Variants in BDNF observed in about 807,000 individuals in gnomAD.
The protein encoded by BDNF is brain derived neurotrophic factor, also known as neurotrophic factor BDNF precursor form.
A neutral mutation model predicts 19.5 loss-of-function variants in BDNF; 1 was observed. The ratio of observed to expected loss-of-function variants is 0.05; its 90% CI spans 0.02 to 0.24. BDNF has a LOEUF of 0.24. Among genes scored for constraint, BDNF ranks in the 10% least tolerant of loss-of-function variants. BDNF has a pLI of 1.00. For synonymous variants in BDNF, 100 were observed against 121.6 expected (o/e 0.82, Z 1.17); for missense variants, 195 against 317.6 (o/e 0.61, Z 2.93).
upstream of BDNF, chr11:27,700,832 G>A: frequency 1.4e-5 from 17 of 1,231,824 alleles, no homozygotes; most frequent in Non-Finnish European, 1.8e-5. Flanking sequence ...CCGGCTGTGG[G>A]CGCTGGGGCG....
chr11:27,713,293 C>T (rs1590496721), intron 1 of BDNF, among the ~76,000 whole-genome samples: 1 of 152,316 alleles, frequency 6.6e-6, no homozygotes, highest in African/African-American at 2.4e-5. Flanking sequence ...ATCATTGTTT[C>T]CTACTAAAGT....
intron 1 of BDNF, among the ~76,000 whole-genome samples, chr11:27,697,156 C>CAGAGAGAGAGAGAGAGAG (rs1214718714): frequency 1.4e-5 from 1 of 69,226 alleles, no homozygotes; most frequent in Non-Finnish European, 4.8e-5. Context: ...CACACACACA[C>CAGAGAGAGAGAGAGAGAG]ACACACACAG....
At chr11:27,684,641 G>GCCTTT (rs1857254190) in intron 1 of BDNF, among the ~76,000 whole-genome samples, 1 of 152,166 alleles carries the variant, frequency 6.6e-6, no homozygotes, top group Non-Finnish European at 1.5e-5. Context: ...GGCCTTTTCT[G>GCCTTT]CATCTATTGA....
At position 27,658,205 on chromosome 11, in the gene BDNF, T is replaced by G; in HGVS notation, c.360A>C (p.Ala120=). 1 of 1,614,066 alleles carries G rather than the reference T, an allele frequency of 6.2e-7. No individual in the cohort carries two copies. Among genetic ancestry groups the G allele is most frequent in the Non-Finnish European group, 8.5e-7 (1 of 1,180,020 alleles). Residue 120 remains alanine (A), a synonymous_variant, in exon 2 of 2, where the codon GCA becomes GCC. Transcript: ENST00000356660. The surrounding 1 kb of genome is among the most constrained non-coding windows in gnomAD (Gnocchi z 5.7). The stretch of plus-strand genomic sequence containing the variant: ...GGCGCCGGACCCTCATGGACATGTT[T>G]GCAGCATCTAGGTAATTTTTGTATT... The part of the protein sequence containing the change: ...LEEYKNYLDA[A]NMSMRVRRHS...
At chr11:27,674,511 C>A in intron 1 of BDNF, 1 of 985,182 alleles carries the variant, frequency 1.0e-6, no homozygotes, top group Non-Finnish European at 1.2e-6. Context: ...GCATAATGAG[C>A]CATGTGGACC....
At chr11:27,720,721 C>T (rs1860715341) in intron 1 of BDNF, 9 of 986,012 alleles carry the variant, frequency 9.1e-6, no homozygotes, top group Non-Finnish European at 1.1e-5. Flanking sequence ...CCGGATTACA[C>T]ACCCGGCACA....
intron 1 of BDNF, among the ~76,000 whole-genome samples, chr11:27,697,195 A>AGAGAGC (rs1859188309): frequency 6.7e-6 from 1 of 148,682 alleles, no homozygotes; most frequent in Non-Finnish European, 1.5e-5. Flanking sequence ...AGAGAGAGAG[A>AGAGAGC]GCACCCCAGG....
intron 1 of BDNF, among the ~76,000 whole-genome samples, chr11:27,664,703 A>G (rs117392835): frequency 0.017 from 2,582 of 152,274 alleles, 29 homozygotes; most frequent in Non-Finnish European, 0.026. Context: ...GGATTACTTG[A>G]GTCTAAGAAG....
chr11:27,713,613 G>T (rs1483998611), intron 1 of BDNF, among the ~76,000 whole-genome samples: 1 of 152,156 alleles, frequency 6.6e-6, no homozygotes, highest in Non-Finnish European at 1.5e-5. Flanking sequence ...GATGAGCATG[G>T]TGCTACAAGG....
chr11:27,660,541 A>G (rs765941153), intron 1 of BDNF, among the ~76,000 whole-genome samples: 8 of 152,204 alleles, frequency 5.3e-5, no homozygotes, highest in Admixed American at 4.6e-4. Context: ...TAATATTCCC[A>G]GTCCAAATAA....
chr11:27,718,294 T>C (rs1271115384), intron 1 of BDNF, among the ~76,000 whole-genome samples: 1 of 150,778 alleles, frequency 6.6e-6, no homozygotes, highest in Non-Finnish European at 1.5e-5. Context: ...TGCCGCCTGA[T>C]TGGAAAAAGC....
intron 1 of BDNF, chr11:27,697,508 A>T (rs1590441052): frequency 6.6e-6 from 1 of 152,200 alleles, no homozygotes. Flanking sequence ...CAAAATGAAC[A>T]AGAAATACCC....
rs1852592426 is a variant in BDNF, at chr11:27,656,707, C to T, written c.*1114G>A. On this transcript the variant is annotated 3_prime_UTR_variant, in exon 2 of 2. Transcript: ENST00000356660. ...CTTTTGCTTACAAGACATTGTTAAG[C>T]CTCACCATGAGTTTTTTTTAAGCTT... 1.0e-6 allele frequency: 1 copy of T among 985,412 alleles called. No homozygotes were observed. The highest frequency in any genetic ancestry group is 1.2e-6 in the Non-Finnish European group (1 of 829,916). The allele number at this position is 985,412 out of a possible 1,614,324, so 61.0% of individuals were successfully genotyped here.
Position 27,700,368 on chromosome 11 carries a change from A to T in BDNF, c.-226T>A, listed in dbSNP as rs1292860226. On this transcript the variant is annotated 5_prime_UTR_variant, in exon 1 of 2. Transcript: ENST00000356660. ...CTCCTCTGTCCGGCCCGGGAGCCCG[A>T]GGCGCTACGGGGTGCGCGGGACAGC... 1.5e-5 allele frequency: 15 copies of T among 985,314 alleles called. No homozygotes were observed. Among genetic ancestry groups the T allele is most frequent in the African/African-American group, 1.8e-5 (1 of 57,112 alleles). 61.0% of individuals were successfully genotyped at this position (985,314 alleles called of 1,614,324 possible).
At chr11:27,699,719 C>T in intron 1 of BDNF, 1 of 1,379,166 alleles carries the variant, frequency 7.3e-7, no homozygotes, top group Non-Finnish European at 9.4e-7. Context: ...CCTCCCACTC[C>T]CCCCGCAAGT....
At chr11:27,702,401 C>A (rs912859244), upstream of BDNF, among the ~76,000 whole-genome samples, 49 of 152,284 alleles carry the variant, frequency 3.2e-4, no homozygotes, top group African/African-American at 9.9e-4. Flanking sequence ...GAGAAACACT[C>A]TCTTGGGGGT....
At chr11:27,699,655 C>G in intron 1 of BDNF, 1 of 1,427,158 alleles carries the variant, frequency 7.0e-7, no homozygotes, top group Non-Finnish European at 9.1e-7. Flanking sequence ...TCCTGGGGAG[C>G]AGGTAGCCGT....
At chr11:27,688,004 C>A (rs900889575) in intron 1 of BDNF, among the ~76,000 whole-genome samples, 4 of 152,178 alleles carry the variant, frequency 2.6e-5, no homozygotes, top group Admixed American at 6.5e-5. Context: ...TGAAGCTGGG[C>A]CCACAGCCAC....
chr11:27,701,411 G>T (rs1250756886), upstream of BDNF: 2 of 1,038,524 alleles, frequency 1.9e-6, no homozygotes, highest in South Asian at 3.5e-5. Context: ...TTAATTAAAG[G>T]GGGGAGGGGG....
Sources: gnomAD v4.1 joint callset for allele counts (sites outside exome capture counted in the v4.1 genomes callset) on GRCh38, gnomAD v4.1.1 for gene constraint, Gnocchi (gnomAD v3.1) non-coding constraint, MANE v1.5 for transcripts, NCBI Gene and HGNC (gene_info 2026-07-23, HGNC 2026-07-21) for gene names.